ZC3H14: variants seen among roughly 807,000 people sequenced by gnomAD.
The protein encoded by ZC3H14 is zinc finger CCCH-type containing 14.
Under a neutral mutation model 92.4 loss-of-function variants are expected in ZC3H14, and 31 were observed. The observed-to-expected ratio is 0.34, with a 90% CI of 0.25 to 0.45. The LOEUF is 0.45. Ranked by LOEUF, ZC3H14 falls within the 20% of genes least tolerant of loss-of-function variation. ZC3H14 has a pLI of 1.00. For missense variants in ZC3H14, 781 were observed against 897.3 expected (o/e 0.87, Z 1.66); for synonymous variants, 321 against 300.9 (o/e 1.07, Z -0.69).
chr14:88,625,110 T>G lies in ZC3H14; in HGVS notation c.*13359T>G, dbSNP rs1168583869. ...CACAGACATCACCACTGATGGTACC[T>G]GTAAACGTCAAGTTATTCTGAAAAG... On this transcript the variant is annotated 3_prime_UTR_variant, in exon 17 of 17. Transcript: ENST00000251038. The G allele has an allele frequency of 5.0e-6, 8 of 1,613,538 alleles. No individual in the cohort carries two copies. The highest frequency in any genetic ancestry group is 5.9e-6 in the Non-Finnish European group (7 of 1,179,798).
rs149069195 is a variant in ZC3H14, at chr14:88,572,774, C to T, written c.628C>T (p.Pro210Ser). ...GACACTTACATATGGTTCTTCTCGC[C>T]CTTCTATTGAAATTTATCGACCACC... ...TVTLTYGSSR[P>S]SIEIYRPPAS... is the part of the protein sequence containing the mutation. The change falls in exon 6 of 17, where the codon CCT becomes TCT. Residue 210 changes from proline (P) to serine (S), a missense_variant. Pro to Ser is a moderately conservative substitution (Grantham distance 74, BLOSUM62 -1). Transcript: ENST00000251038. The T allele has an allele frequency of 2.8e-5, 45 of 1,614,016 alleles. No individual in the cohort carries two copies. The highest frequency in any genetic ancestry group is 3.6e-5 in the Non-Finnish European group (43 of 1,180,040).
intron 9 of ZC3H14, among the ~76,000 whole-genome samples, chr14:88,588,187 C>T (rs1193996387): frequency 2.0e-5 from 3 of 152,150 alleles, no homozygotes; most frequent in Non-Finnish European, 4.4e-5. Flanking sequence ...GAGCCTCTCT[C>T]CTCCTTTTCT....
Position 88,572,591 on chromosome 14 carries a change from G to T in ZC3H14, c.445G>T (p.Asp149Tyr). 1 of 1,614,166 alleles carries T rather than the reference G, an allele frequency of 6.2e-7. No homozygotes were observed. The highest frequency in any genetic ancestry group is 8.5e-7 in the Non-Finnish European group (1 of 1,180,042). Residue 149 changes from aspartate (D) to tyrosine (Y), a missense_variant, in exon 6 of 17, where the codon GAT (aspartate) becomes TAT (tyrosine). By Grantham distance (160) the Asp-to-Tyr change is radical (BLOSUM62 -3). Coordinates refer to ENST00000251038, the MANE Select transcript of ZC3H14 (RefSeq NM_024824.5). ...TCTTTTAAATAGACAGACTTACGAT[G>T]ATGGAGCTGCAACCCGACTAATGTC... Reference protein sequence around the residue: ...KTTNVRQTYDDGAATRLMSTV... With the variant: ...KTTNVRQTYDYGAATRLMSTV...
intron 8 of ZC3H14, 114 bp downstream of exon 8, chr14:88,576,054 C>A: frequency 1.1e-6 from 1 of 913,730 alleles, no homozygotes; most frequent in Non-Finnish European, 1.7e-6. Context: ...GATGTCAAGA[C>A]CAAGATGAGG....
chr14:88,611,710 G>A (rs779209675), intron 16 of ZC3H14, 35 bp from the exon 17 acceptor site: 2 of 1,613,742 alleles, frequency 1.2e-6, no homozygotes, highest in Non-Finnish European at 1.7e-6. Context: ...ATACAAAGCA[G>A]ATAATTAAAA....
At position 88,621,455 on chromosome 14, in the gene ZC3H14, C is replaced by G. The variant is rs888004103; in HGVS notation, c.*9704C>G. 5.3e-6 allele frequency: 4 copies of G among 752,768 alleles called. No individual in the cohort carries two copies. The highest frequency in any genetic ancestry group is 8.8e-6 in the Non-Finnish European group (4 of 453,694). The allele number at this position is 752,768 out of a possible 1,614,324, so 46.6% of individuals were successfully genotyped here. ...CAGTCATTAGCTCATGCAAATTTTT[C>G]TATGACTACAGGCACACATCTATCT... On this transcript the variant is annotated 3_prime_UTR_variant, in exon 17 of 17. Transcript: ENST00000251038.
chr14:88,599,490 C>G (rs1320256812), intron 10 of ZC3H14, among the ~76,000 whole-genome samples: 1 of 152,216 alleles, frequency 6.6e-6, no homozygotes, highest in African/African-American at 2.4e-5. Flanking sequence ...TCTGTCTGGT[C>G]TCCATGTGAC....
chr14:88,563,951 G>A (rs1212988248), intron 2 of ZC3H14, among the ~76,000 whole-genome samples: 2 of 151,876 alleles, frequency 1.3e-5, no homozygotes, highest in African/African-American at 2.4e-5. Context: ...TTTATTTTAT[G>A]TTTTTCCTAT....
In ZC3H14 at chr14:88,625,276, C is replaced by T; in HGVS notation, c.*13525C>T. ...TGGCAGCAGCACTGAATTCACGAGT[C>T]AGGAAACCTGAACGGGAGGCTTAGC... On this transcript the variant is annotated 3_prime_UTR_variant, in exon 17 of 17. Transcript: ENST00000251038. 3.4e-6 allele frequency: 3 copies of T among 875,214 alleles called. No individual in the cohort carries two copies. Among genetic ancestry groups the T allele is most frequent in the Non-Finnish European group, 5.0e-6 (3 of 598,436 alleles). The allele number at this position is 875,214 out of a possible 1,614,324, so 54.2% of individuals were successfully genotyped here. A position where few individuals can be genotyped will look rare whatever the true frequency, so the allele number is the denominator to read the frequency against.
chr14:88,579,430 C>A (rs1462312182), intron 9 of ZC3H14, among the ~76,000 whole-genome samples: 3 of 152,280 alleles, frequency 2.0e-5, no homozygotes, highest in African/African-American at 2.4e-5. Context: ...TTGCTCAGTG[C>A]AGTGGCAGAT....
At position 88,619,960 on chromosome 14, in the gene ZC3H14, C is replaced by G. The variant is rs1024959564; in HGVS notation, c.*8209C>G. The G allele has an allele frequency of 6.6e-6, 1 of 152,342 alleles. No homozygotes were observed. Among genetic ancestry groups the G allele is most frequent in the Non-Finnish European group, 1.5e-5 (1 of 68,138 alleles). The allele number at this position is 152,342 out of a possible 1,614,324, so 9.4% of individuals were successfully genotyped here. A position where few individuals can be genotyped will look rare whatever the true frequency, so the allele number is the denominator to read the frequency against. On this transcript the variant is annotated 3_prime_UTR_variant, in exon 17 of 17. Coordinates refer to ENST00000251038, the MANE Select transcript of ZC3H14 (RefSeq NM_024824.5). ...GATTACAGGCATGAGCCACCGCGCC[C>G]GGCCTGAAGAACTTATTTAAAAGAC...
chr14:88,585,440 G>T (rs182120662), intron 9 of ZC3H14, among the ~76,000 whole-genome samples: 1 of 149,724 alleles, frequency 6.7e-6, no homozygotes, highest in South Asian at 2.1e-4. Context: ...GTAGTAGCGC[G>T]ATCTCGGCTC....
intron 14 of ZC3H14, 23 bp from the exon 15 acceptor site, chr14:88,609,689 A>T: frequency 6.2e-7 from 1 of 1,613,380 alleles, no homozygotes; most frequent in Non-Finnish European, 8.5e-7. Context: ...ATTGGAGATC[A>T]GTCCTGGTTT....
Position 88,602,101 on chromosome 14 carries a change from C to G in ZC3H14, c.1514+18C>G. 1 of 1,613,344 alleles carries G rather than the reference C, an allele frequency of 6.2e-7. No individual in the cohort carries two copies. Among genetic ancestry groups the G allele is most frequent in the Non-Finnish European group, 8.5e-7 (1 of 1,179,486 alleles). ...CAGACACGGTAGATGGTTTCTTTTT[C>G]TTGTGTAGTTAATTTGTGTGATTAG... On this transcript the variant is annotated intron_variant, in intron 11 of 16. Coordinates refer to ENST00000251038, the MANE Select transcript of ZC3H14 (RefSeq NM_024824.5).
intron 11 of ZC3H14, 123 bp from the exon 12 acceptor site, chr14:88,602,705 T>C: frequency 9.8e-7 from 1 of 1,017,528 alleles, no homozygotes; most frequent in Non-Finnish European, 1.5e-6. Context: ...CCCTACCTAG[T>C]CTTTTTTTAT....
intron 9 of ZC3H14, chr14:88,594,485 A>G (rs1435312029): frequency 2.2e-6 from 3 of 1,342,982 alleles, no homozygotes; most frequent in Non-Finnish European, 2.9e-6. Context: ...AGCGAAGAGC[A>G]ATTGGTCTGG....
At chr14:88,600,625 A>ATTTT (rs1022515040) in intron 10 of ZC3H14, among the ~76,000 whole-genome samples, 2 of 150,952 alleles carry the variant, frequency 1.3e-5, no homozygotes, top group African/African-American at 4.9e-5. Flanking sequence ...TTATTTATTT[A>ATTTT]TTTTCTGGTT....
At chr14:88,594,199 A>G (rs2083503135) in intron 9 of ZC3H14, among the ~76,000 whole-genome samples, 2 of 152,236 alleles carry the variant, frequency 1.3e-5, no homozygotes, top group Non-Finnish European at 2.9e-5. Context: ...TAAAAATGTT[A>G]TGGTTTAGAT....
chr14:88,567,971 A>G (rs1426158528), intron 2 of ZC3H14, 68 bp from the exon 3 acceptor site: 11 of 1,256,302 alleles, frequency 8.8e-6, no homozygotes, highest in African/African-American at 1.5e-5. Flanking sequence ...CTATATTTTC[A>G]AGCACATCAA....
Sources: gnomAD v4.1 joint callset for allele counts (sites outside exome capture counted in the v4.1 genomes callset) on GRCh38, gnomAD v4.1.1 for gene constraint, MANE v1.5 for transcripts, NCBI Gene and HGNC (gene_info 2026-07-23, HGNC 2026-07-21) for gene names.